The following MSH5 variants were observed in gnomAD, a reference collection of about 807,000 sequenced individuals.
The protein encoded by MSH5 is mutS protein homolog 5.
In MSH5, 78 loss-of-function variants were observed where a neutral mutation model predicts 107.7. That is an observed-to-expected ratio of 0.72 (90% CI 0.60 to 0.87). The LOEUF (loss-of-function observed/expected upper bound fraction) is 0.87. Ranked by LOEUF, MSH5 falls within the 40% of genes least tolerant of loss-of-function variation. MSH5 has a pLI of 0.00. For missense variants in MSH5, 889 were observed against 1,046.6 expected, an observed-to-expected ratio of 0.85 and a Z score of 2.08; for synonymous variants, 326 against 399.5, an observed-to-expected ratio of 0.82 and a Z score of 2.19.
At position 31,740,396 on chromosome 6, in the gene MSH5, C is replaced by T; in HGVS notation, c.-13-58C>T. ...GCTTTGCATTCTGCGCGCCACCCTA[C>T]CCCGGCCTCCTCTGTGAATCGTTGC... On this transcript the variant is annotated intron_variant, in intron 1 of 24. Coordinates refer to ENST00000375750, the MANE Select transcript of MSH5 (RefSeq NM_172166.4). The surrounding 1 kb of genome is among the most constrained non-coding windows in gnomAD (Gnocchi z 4.4). The T allele has an allele frequency of 6.6e-7, 1 of 1,523,988 alleles. No homozygotes were observed. Among genetic ancestry groups the T allele is most frequent in the South Asian group, 1.2e-5 (1 of 81,622 alleles). The allele number at this position is 1,523,988 out of a possible 1,614,324, so 94.4% of individuals were successfully genotyped here.
Position 31,760,559 on chromosome 6 carries a change from A to G in MSH5, c.1813-131A>G. The stretch of plus-strand genomic sequence containing the variant: ...GGATTCGGGGAGGAGAGACAGAGTC[A>G]GTGTGTCTGTTACCTATTTCTCCTG... On this transcript the variant is annotated intron_variant, in intron 19 of 24. Coordinates refer to ENST00000375750, the MANE Select transcript of MSH5 (RefSeq NM_172166.4). The surrounding 1 kb of genome is among the most constrained non-coding windows in gnomAD (Gnocchi z 5.6). The G allele has an allele frequency of 8.2e-7, 1 of 1,212,620 alleles. No homozygotes were observed. Among genetic ancestry groups the G allele is most frequent in the South Asian group, 1.3e-5 (1 of 79,160 alleles). 75.1% of individuals were successfully genotyped at this position (1,212,620 alleles called of 1,614,324 possible).
In MSH5 at chr6:31,758,865, A is replaced by G. The variant is rs748022464; in HGVS notation, c.1316A>G (p.Tyr439Cys). 6.2e-6 allele frequency: 10 copies of G among 1,613,842 alleles called. No individual in the cohort carries two copies. Among genetic ancestry groups the G allele is most frequent in the Non-Finnish European group, 8.5e-6 (10 of 1,179,712 alleles). ...CGTATTCCTTCATGCAGTGTCATCT[A>G]CATCCCTCTGGTGAGGGCAGGAGAG... ...DSRIPSCSVIYIPLIGFLLSI... is the reference protein window; with the variant it reads ...DSRIPSCSVICIPLIGFLLSI... Residue 439 changes from tyrosine (Y) to cysteine (C), a missense_variant, in exon 15 of 25, where the codon TAC becomes TGC. Around this residue, in one of 3 missense-constraint regions of MSH5, gnomAD observed 518 missense variants for 565.0 expected, o/e 0.92. Coordinates refer to ENST00000375750, the MANE Select transcript of MSH5 (RefSeq NM_172166.4). This position sits in a 1 kb window ranked among gnomAD's most constrained non-coding sequence, Gnocchi z 5.1.
Position 31,761,567 on chromosome 6 carries a change from C to G in MSH5, c.2133C>G (p.Ser711Arg). 1 of 1,613,986 alleles carries G rather than the reference C, an allele frequency of 6.2e-7. No homozygotes were observed. The change falls in exon 22 of 25, where the codon AGC becomes AGG. Residue 711 changes from serine to arginine, a missense_variant. Ser to Arg is a moderately radical substitution (Grantham distance 110). Around this residue, in one of 3 missense-constraint regions of MSH5, gnomAD observed 362 missense variants for 456.2 expected, o/e 0.79. Transcript: ENST00000375750. The surrounding 1 kb of genome is among the most constrained non-coding windows in gnomAD (Gnocchi z 5.3). ...TCTTTGTGGCCACCAACTTTCTGAG[C>G]CTTGTTCAGCTACAACTGCTGCCAC... ...PHIFVATNFL[S>R]LVQLQLLPQG...
rs1443380160 is a variant in MSH5 at position 31,744,664 on chromosome 6, G to T, written c.683+83G>T. The T allele has an allele frequency of 8.2e-6, 12 of 1,456,564 alleles. No individual in the cohort carries two copies. In the African/African-American group the frequency reaches 1.4e-4, roughly 17 times the overall value. The allele number at this position is 1,456,564 out of a possible 1,614,324, so 90.2% of individuals were successfully genotyped here. On this transcript the variant is annotated intron_variant, in intron 8 of 24. Coordinates refer to ENST00000375750, the MANE Select transcript of MSH5 (RefSeq NM_172166.4). The stretch of plus-strand genomic sequence containing the variant: ...CCCCAATAATCCTAATGAGGCTCTA[G>T]TTTCCCTAATCCTGGGGCTATTAAG...
intron 3 of MSH5, 50 bp downstream of exon 3, chr6:31,741,336 T>TAC (rs9279401): frequency 0.014 from 12,554 of 895,098 alleles, 118 homozygotes; most frequent in South Asian, 0.028. Context: ...GCAGATGTGT[T>TAC]ACACACACAC....
At chr6:31,742,404 T>G (rs1809000511) in intron 3 of MSH5, among the ~76,000 whole-genome samples, 1 of 152,136 alleles carries the variant, frequency 6.6e-6, no homozygotes, top group Non-Finnish European at 1.5e-5. Context: ...ATTACAAGAA[T>G]CTGCCATCAC....
Position 31,760,171 on chromosome 6 carries a change from C to T in MSH5, c.1767C>T (p.Val589=). The T allele has an allele frequency of 6.2e-7, 1 of 1,611,800 alleles. No individual in the cohort carries two copies. The highest frequency in any genetic ancestry group is 8.5e-7 in the Non-Finnish European group (1 of 1,178,998). Residue 589 remains valine (V), a synonymous_variant, in exon 19 of 25, where the codon GTC becomes GTT. Transcript: ENST00000375750. The surrounding 1 kb of genome is among the most constrained non-coding windows in gnomAD (Gnocchi z 5.6). Reference sequence around the variant, plus strand: ...GTGGGGACAAAGGGAGGGTCAAAGTCATCACTGGACCCAACTCATCAGGGA... The same window carrying T: ...GTGGGGACAAAGGGAGGGTCAAAGTTATCACTGGACCCAACTCATCAGGGA... The part of the protein sequence containing the change: ...ECGGDKGRVK[V]ITGPNSSGKS...
At position 31,744,258 on chromosome 6, in the gene MSH5, T is replaced by C; in HGVS notation, c.606T>C (p.Tyr202=). ...RRRIGVELED[Y]NVSVPILGFK... is the part of the protein sequence containing the mutation. ...GAATCGGGGTTGAACTGGAAGACTA[T>C]AATGTCAGCGTCCCCATCCTGGGCT... The change falls in exon 7 of 25, where the codon TAT becomes TAC. Residue 202 remains tyrosine (Y), a synonymous_variant. Transcript: ENST00000375750. 1 of 1,614,212 alleles carries C rather than the reference T, an allele frequency of 6.2e-7. No individual in the cohort carries two copies. The highest frequency in any genetic ancestry group is 8.5e-7 in the Non-Finnish European group (1 of 1,180,048).
chr6:31,760,573 C>T lies in MSH5; in HGVS notation c.1813-117C>T. ...GAGACAGAGTCAGTGTGTCTGTTAC[C>T]TATTTCTCCTGTTTCACCCTGTCCA... On this transcript the variant is annotated intron_variant, in intron 19 of 24. Coordinates refer to ENST00000375750, the MANE Select transcript of MSH5 (RefSeq NM_172166.4). The surrounding 1 kb of genome is among the most constrained non-coding windows in gnomAD (Gnocchi z 5.6). The T allele has an allele frequency of 7.5e-7, 1 of 1,327,442 alleles. No homozygotes were observed. The highest frequency in any genetic ancestry group is 1.1e-6 in the Non-Finnish European group (1 of 928,698). The allele number at this position is 1,327,442 out of a possible 1,614,324, so 82.2% of individuals were successfully genotyped here. A position where few individuals can be genotyped will look rare whatever the true frequency, so the allele number is the denominator to read the frequency against.
rs1029313054 is a variant in MSH5, at chr6:31,758,904, C to T, written c.1326+29C>T. 2 of 1,584,874 alleles carry T rather than the reference C, an allele frequency of 1.3e-6. No individual in the cohort carries two copies. Among genetic ancestry groups the T allele is most frequent in the Non-Finnish European group, 1.7e-6 (2 of 1,153,690 alleles). On this transcript the variant is annotated intron_variant, in intron 15 of 24. Coordinates refer to ENST00000375750, the MANE Select transcript of MSH5 (RefSeq NM_172166.4). The surrounding 1 kb of genome is among the most constrained non-coding windows in gnomAD (Gnocchi z 5.1). ...AGGGCAGGAGAGTGGGTGTAGCCTT[C>T]AGATGTCTTTTGGGGGAGATATTAG...
rs9279401 is a variant in MSH5, at chr6:31,741,336, T to TACAC, written c.271+94_271+97dup. The TACAC allele has an allele frequency of 7.1e-3, 6,394 of 896,064 alleles. 45 individuals carry two copies. The highest frequency in any genetic ancestry group is 0.017 in the South Asian group (988 of 59,534). The allele number at this position is 896,064 out of a possible 1,614,324, so 55.5% of individuals were successfully genotyped here. A position where few individuals can be genotyped will look rare whatever the true frequency, so the allele number is the denominator to read the frequency against. Reference sequence around the variant, plus strand: ...CTGCTCTCTGGGATTGCAGATGTGTTACACACACACACACACACACACACA... The same window carrying TACAC: ...CTGCTCTCTGGGATTGCAGATGTGTTACACACACACACACACACACACACACACA... On this transcript the variant is annotated intron_variant, in intron 3 of 24. Transcript: ENST00000375750.
Position 31,740,423 on chromosome 6 carries a change from T to G in MSH5, c.-13-31T>G, listed in dbSNP as rs755500766. On this transcript the variant is annotated intron_variant, in intron 1 of 24. Coordinates refer to ENST00000375750, the MANE Select transcript of MSH5 (RefSeq NM_172166.4). The surrounding 1 kb of genome is among the most constrained non-coding windows in gnomAD (Gnocchi z 4.4). ...CCGGCCTCCTCTGTGAATCGTTGCT[T>G]CCGAACCGCCCTCACTTTTTGCATC... 39 of 1,541,772 alleles carry G rather than the reference T, an allele frequency of 2.5e-5. No homozygotes were observed. Among genetic ancestry groups the G allele is most frequent in the Middle Eastern group, 1.8e-4 (1 of 5,714 alleles).
At position 31,740,405 on chromosome 6, in the gene MSH5, C is replaced by T. The variant is rs1402638908; in HGVS notation, c.-13-49C>T. The T allele has an allele frequency of 2.0e-6, 3 of 1,532,824 alleles. No individual in the cohort carries two copies. The highest frequency in any genetic ancestry group is 1.4e-5 in the African/African-American group (1 of 71,692). The allele number at this position is 1,532,824 out of a possible 1,614,324, so 95.0% of individuals were successfully genotyped here. A position where few individuals can be genotyped will look rare whatever the true frequency, so the allele number is the denominator to read the frequency against. On this transcript the variant is annotated intron_variant, in intron 1 of 24. Coordinates refer to ENST00000375750, the MANE Select transcript of MSH5 (RefSeq NM_172166.4). This position sits in a 1 kb window ranked among gnomAD's most constrained non-coding sequence, Gnocchi z 4.4. ...TCTGCGCGCCACCCTACCCCGGCCT[C>T]CTCTGTGAATCGTTGCTTCCGAACC... is the stretch of plus-strand genomic sequence containing the variant.
intron 9 of MSH5, 72 bp downstream of exon 9, chr6:31,745,391 C>A: frequency 9.8e-7 from 1 of 1,022,870 alleles, no homozygotes; most frequent in Non-Finnish European, 1.5e-6. Flanking sequence ...AAAGATGTGT[C>A]CCAGCCTCCC....
Position 31,759,115 on chromosome 6 carries a change from A to G in MSH5, c.1345A>G (p.Ile449Val). 2.5e-6 allele frequency: 4 copies of G among 1,612,940 alleles called. No homozygotes were observed. The highest frequency in any genetic ancestry group is 3.4e-6 in the Non-Finnish European group (4 of 1,179,994). ...TCCCCAGATTGGCTTCCTTCTTTCTATTCCCCGCCTGCCTTCCATGGTAGA... is the reference window on the plus strand; with the variant it reads ...TCCCCAGATTGGCTTCCTTCTTTCTGTTCCCCGCCTGCCTTCCATGGTAGA... ...YIPLIGFLLS[I>V]PRLPSMVEAS... is the part of the protein sequence containing the mutation. Residue 449 changes from isoleucine to valine, a missense_variant, in exon 16 of 25, where the codon ATT becomes GTT. Transcript: ENST00000375750. The surrounding 1 kb of genome is among the most constrained non-coding windows in gnomAD (Gnocchi z 4.7).
Position 31,759,442 on chromosome 6 carries a change from G to T in MSH5, c.1425G>T (p.Lys475Asn). 1 of 1,612,712 alleles carries T rather than the reference G, an allele frequency of 6.2e-7. No homozygotes were observed. Among genetic ancestry groups the T allele is most frequent in the African/African-American group, 1.3e-5 (1 of 75,028 alleles). Residue 475 changes from lysine to asparagine, a missense_variant, in exon 17 of 25, where the codon AAG becomes AAT. Coordinates refer to ENST00000375750, the MANE Select transcript of MSH5 (RefSeq NM_172166.4). This position sits in a 1 kb window ranked among gnomAD's most constrained non-coding sequence, Gnocchi z 4.7. Reference sequence around the variant, plus strand: ...GTACCCAGTTTCTCTCAGAGGAGAAGCTGCACTATCGTAGTGCCCGAACCA... The same window carrying T: ...GTACCCAGTTTCTCTCAGAGGAGAATCTGCACTATCGTAGTGCCCGAACCA... ...GLDFMFLSEE[K>N]LHYRSARTKE...
rs774854873 is a variant in MSH5 at position 31,741,338 on chromosome 6, C to T, written c.271+52C>T. 1.3e-4 allele frequency: 6 copies of T among 46,478 alleles called. No individual in the cohort carries two copies. In the Middle Eastern group the frequency reaches 0.025, roughly 194 times the overall value. 2.9% of individuals were successfully genotyped at this position (46,478 alleles called of 1,614,324 possible). A position where few individuals can be genotyped will look rare whatever the true frequency, so the allele number is the denominator to read the frequency against. ...GCTCTCTGGGATTGCAGATGTGTTA[C>T]ACACACACACACACACACACACACA... On this transcript the variant is annotated intron_variant, in intron 3 of 24. Coordinates refer to ENST00000375750, the MANE Select transcript of MSH5 (RefSeq NM_172166.4).
chr6:31,761,688 A>C lies in MSH5; in HGVS notation c.2181+73A>C. Reference sequence around the variant, plus strand: ...CCCAGAGGTGGGGATTGGCTCCTCTATCAGAACAAGGGCTCCCTCAGCACA... The same window carrying C: ...CCCAGAGGTGGGGATTGGCTCCTCTCTCAGAACAAGGGCTCCCTCAGCACA... On this transcript the variant is annotated intron_variant, in intron 22 of 24. Transcript: ENST00000375750. The surrounding 1 kb of genome is among the most constrained non-coding windows in gnomAD (Gnocchi z 5.3). The C allele has an allele frequency of 1.9e-6, 3 of 1,612,628 alleles. No homozygotes were observed. The highest frequency in any genetic ancestry group is 2.5e-6 in the Non-Finnish European group (3 of 1,179,274).
chr6:31,761,661 T>G lies in MSH5; in HGVS notation c.2181+46T>G, dbSNP rs1013103927. On this transcript the variant is annotated intron_variant, in intron 22 of 24. Coordinates refer to ENST00000375750, the MANE Select transcript of MSH5 (RefSeq NM_172166.4). This position sits in a 1 kb window ranked among gnomAD's most constrained non-coding sequence, Gnocchi z 5.3. ...CCTCGGGGACCCCCAGGCTGGGCAT[T>G]TCCCAGAGGTGGGGATTGGCTCCTC... The G allele has an allele frequency of 6.2e-7, 1 of 1,613,108 alleles. No individual in the cohort carries two copies. Among genetic ancestry groups the G allele is most frequent in the Non-Finnish European group, 8.5e-7 (1 of 1,179,788 alleles).
Sources: allele counts gnomAD v4.1 joint callset (sites outside exome capture counted in the v4.1 genomes callset), GRCh38; gene constraint gnomAD v4.1.1; regional missense constraint gnomAD v4.1.1; non-coding constraint Gnocchi (gnomAD v3.1); transcripts MANE v1.5; gene names NCBI Gene and HGNC (gene_info 2026-07-23, HGNC 2026-07-21).